UNC80: variants seen among roughly 807,000 people sequenced by gnomAD.
UNC80 encodes the protein unc-80 subunit of NALCN channel complex, also known as protein unc-80 homolog.
In UNC80, 164 loss-of-function variants were observed where a neutral mutation model predicts 384.6. The ratio of observed to expected loss-of-function variants is 0.43; its 90% CI spans 0.38 to 0.49. The LOEUF is 0.49. UNC80 is among the 20% of genes least tolerant of loss of function. The probability of loss-of-function intolerance (pLI) is 0.00; values close to 1 mark genes in which losing one functional copy is unlikely to be tolerated. For missense variants in UNC80, 3,330 were observed against 4,143.0 expected (o/e 0.80, Z 5.39); for synonymous variants, 1,486 against 1,527.8 (o/e 0.97, Z 0.64).
chr2:209,866,103 A>G (rs1317260756), intron 22 of UNC80, among the ~76,000 whole-genome samples: 1 of 152,188 alleles, frequency 6.6e-6, no homozygotes, highest in Non-Finnish European at 1.5e-5. Flanking sequence ...TACTTGAATT[A>G]TGTAATTGAA....
intron 25 of UNC80, among the ~76,000 whole-genome samples, chr2:209,882,061 A>G (rs972515594): frequency 5.6e-5 from 8 of 141,950 alleles, no homozygotes; most frequent in South Asian, 2.2e-4. Context: ...CTGCCTTCCC[A>G]GTTCACACCA....
At chr2:209,974,725 T>A (rs1359460304) in intron 56 of UNC80, among the ~76,000 whole-genome samples, 1 of 152,250 alleles carries the variant, frequency 6.6e-6, no homozygotes, top group East Asian at 1.9e-4. Context: ...GTTGAGTAAC[T>A]TGCCTGAAGG....
chr2:209,832,319 A>G (rs1229596074), intron 16 of UNC80, among the ~76,000 whole-genome samples: 1 of 152,110 alleles, frequency 6.6e-6, no homozygotes, highest in Non-Finnish European at 1.5e-5. Context: ...AAAAAATTAA[A>G]AGGCTAGTGC....
intron 22 of UNC80, among the ~76,000 whole-genome samples, chr2:209,864,690 C>T (rs2083585458): frequency 6.6e-6 from 1 of 152,212 alleles, no homozygotes; most frequent in Non-Finnish European, 1.5e-5. Flanking sequence ...GTCTTGGGAC[C>T]AAGCTGTGCA....
intron 22 of UNC80, among the ~76,000 whole-genome samples, chr2:209,852,988 G>T (rs933495681): frequency 6.6e-6 from 1 of 152,064 alleles, no homozygotes; most frequent in Non-Finnish European, 1.5e-5. Flanking sequence ...ATATGCAAAT[G>T]AGGTACACAT....
intron 39 of UNC80, among the ~76,000 whole-genome samples, chr2:209,934,451 T>G (rs1023171700): frequency 6.6e-6 from 1 of 152,186 alleles, no homozygotes; most frequent in Non-Finnish European, 1.5e-5. Context: ...CAAAAGAACA[T>G]GAAGCGTGAT....
At position 209,810,717 on chromosome 2, in the gene UNC80, G is replaced by A. The variant is rs191130273; in HGVS notation, c.939-2863G>A. Among the ~76,000 whole-genome samples the A allele has an allele frequency of 3.3e-5, 5 of 152,300 alleles. No homozygotes were observed. In the East Asian group the frequency reaches 7.7e-4, roughly 23 times the overall value. ...TTTAAAGTGTGGGGCAGAGGGTAAC[G>A]GGTGAAGAACAACTACCAGCTATTC... is the stretch of plus-strand genomic sequence containing the variant. On this transcript the variant is annotated intron_variant, in intron 7 of 64. Coordinates refer to ENST00000673920, the MANE Select transcript of UNC80 (RefSeq NM_001371986.1).
chr2:209,890,014 T>C (rs1273630266), intron 26 of UNC80, among the ~76,000 whole-genome samples: 1 of 152,140 alleles, frequency 6.6e-6, no homozygotes, highest in Non-Finnish European at 1.5e-5. Flanking sequence ...CTTTTATTCT[T>C]ATTGAAAAAG....
At chr2:209,861,273 A>G (rs2083326502) in intron 22 of UNC80, among the ~76,000 whole-genome samples, 3 of 152,310 alleles carry the variant, frequency 2.0e-5, no homozygotes, top group South Asian at 2.1e-4. Context: ...GATGAATTTT[A>G]TCAAAGGCCT....
At chr2:209,858,849 A>C (rs2083139346) in intron 22 of UNC80, among the ~76,000 whole-genome samples, 1 of 151,574 alleles carries the variant, frequency 6.6e-6, no homozygotes, top group South Asian at 2.1e-4. Context: ...TATTTATTAC[A>C]CTTTTTATTT....
Position 209,819,055 on chromosome 2 carries a change from G to C in UNC80, c.1756G>C (p.Val586Leu), listed in dbSNP as rs1367491142. Reference sequence around the variant, plus strand: ...CAATACCACTTTGGCGTCATTCAACGTAGGCTATGCAGACTTTTTCAATGA... The same window carrying C: ...CAATACCACTTTGGCGTCATTCAACCTAGGCTATGCAGACTTTTTCAATGA... ...TFNTTLASFN[V>L]GYADFFNEHM... The change falls in exon 12 of 65, where the codon GTA (valine) becomes CTA (leucine). Residue 586 changes from valine to leucine, a missense_variant. This residue lies in a region of UNC80 where 937 missense variants were observed against 1,026.8 expected (regional missense o/e 0.91). Coordinates refer to ENST00000673920, the MANE Select transcript of UNC80 (RefSeq NM_001371986.1). 1 of 1,551,676 alleles carries C rather than the reference G, an allele frequency of 6.4e-7. No individual in the cohort carries two copies. Among genetic ancestry groups the C allele is most frequent in the Admixed American group, 2.0e-5 (1 of 50,974 alleles).
intron 22 of UNC80, among the ~76,000 whole-genome samples, chr2:209,864,036 T>TTGATGATGATGC (rs71043956): frequency 0.16 from 24,305 of 151,586 alleles, 2,542 homozygotes; most frequent in African/African-American, 0.29. Flanking sequence ...TTTTGTGTTG[T>TTGATGATGATGC]TGTTGATGAT....
chr2:209,912,290 C>T (rs957466796), intron 29 of UNC80, among the ~76,000 whole-genome samples: 1 of 152,334 alleles, frequency 6.6e-6, no homozygotes, highest in South Asian at 2.1e-4. Flanking sequence ...GCAACTCAGT[C>T]AAGTTCCTCC....
At chr2:209,927,632 A>G (rs1386336228) in intron 36 of UNC80, among the ~76,000 whole-genome samples, 1 of 152,200 alleles carries the variant, frequency 6.6e-6, no homozygotes, top group Non-Finnish European at 1.5e-5. Context: ...TTAAATGAAA[A>G]TATCTATTGC....
intron 2 of UNC80, among the ~76,000 whole-genome samples, chr2:209,775,183 G>T (rs926684446): frequency 1.3e-5 from 2 of 152,144 alleles, no homozygotes; most frequent in Non-Finnish European, 2.9e-5. Context: ...GTTGTTACTT[G>T]TTCCGGAGTG....
chr2:209,840,024 T>C (rs915604263), intron 19 of UNC80, among the ~76,000 whole-genome samples: 3 of 152,176 alleles, frequency 2.0e-5, no homozygotes, highest in Admixed American at 1.3e-4. Flanking sequence ...CCAGATCAGG[T>C]TGACTCTTCA....
At chr2:209,858,712 GA>G (rs1198093461) in intron 22 of UNC80, among the ~76,000 whole-genome samples, 2 of 148,562 alleles carry the variant, frequency 1.3e-5, no homozygotes, top group South Asian at 2.1e-4. Flanking sequence ...AAAAAAGAAA[GA>G]AAAAAAGAAA....
At chr2:209,892,955 C>G (rs1022646018) in intron 26 of UNC80, among the ~76,000 whole-genome samples, 90 of 152,250 alleles carry the variant, frequency 5.9e-4, no homozygotes, top group Admixed American at 2.0e-4. Context: ...GGGGCCTTTA[C>G]CAGCTGCATG....
At chr2:209,961,061 A>ATGTG (rs372830906) in intron 51 of UNC80, 1 of 151,276 alleles carries the variant, frequency 6.6e-6, no homozygotes, top group Non-Finnish European at 1.5e-5. Flanking sequence ...TAAAAGATGG[A>ATGTG]TGTGTGTGTG....
Sources: gnomAD v4.1 joint callset for allele counts (sites outside exome capture counted in the v4.1 genomes callset) on GRCh38, gnomAD v4.1.1 for gene constraint, gnomAD v4.1.1 regional missense constraint, MANE v1.5 for transcripts, NCBI Gene and HGNC (gene_info 2026-07-23, HGNC 2026-07-21) for gene names.